The following APBB1IP variants were observed in gnomAD, a reference collection of about 807,000 sequenced individuals.
APBB1IP encodes amyloid beta precursor protein binding family B member 1 interacting protein, also known as amyloid beta A4 precursor protein-binding family B member 1-interacting protein.
In APBB1IP, 27 loss-of-function variants were observed where a neutral mutation model predicts 64.9. The observed-to-expected ratio is 0.42, with a 90% CI of 0.31 to 0.57. APBB1IP has a LOEUF of 0.57. Ranked by LOEUF, APBB1IP falls within the 20% of genes least tolerant of loss-of-function variation. APBB1IP has a pLI of 0.20. For synonymous variants in APBB1IP, 392 were observed against 331.0 expected (o/e 1.18, Z -2.00); for missense variants, 812 against 845.5 (o/e 0.96, Z 0.49).
At chr10:26,517,229 A>G (rs1458649579) in intron 8 of APBB1IP, among the ~76,000 whole-genome samples, 2 of 152,180 alleles carry the variant, frequency 1.3e-5, no homozygotes, top group African/African-American at 4.8e-5. Context: ...TGCACATATC[A>G]TAATGGTACA....
At chr10:26,519,974 C>A (rs1836383453) in intron 8 of APBB1IP, among the ~76,000 whole-genome samples, 1 of 152,144 alleles carries the variant, frequency 6.6e-6, no homozygotes, top group African/African-American at 2.4e-5. Flanking sequence ...TTGTCTAAGC[C>A]CTGTGCTAAT....
chr10:26,512,667 C>T (rs1347594995), intron 7 of APBB1IP, among the ~76,000 whole-genome samples: 2 of 152,062 alleles, frequency 1.3e-5, no homozygotes, highest in African/African-American at 2.4e-5. Context: ...AGTGCAATGG[C>T]GCAATCACGG....
At chr10:26,495,954 T>TTATATATATTTAATATATATAAATATAA (rs1357653187) in intron 3 of APBB1IP, among the ~76,000 whole-genome samples, 1 of 135,106 alleles carries the variant, frequency 7.4e-6, no homozygotes, top group Non-Finnish European at 1.5e-5. Flanking sequence ...AAAATATATT[T>TTATATATATTTAATATATATAAATATAA]TATATATATT....
intron 6 of APBB1IP, among the ~76,000 whole-genome samples, chr10:26,506,250 T>TGTG (rs1311793998): frequency 1.7e-3 from 103 of 62,394 alleles, no homozygotes; most frequent in East Asian, 0.012. Flanking sequence ...CGTGTGTGTG[T>TGTG]GGGGGGGGGG....
At chr10:26,532,960 T>C (rs1447530095) in intron 8 of APBB1IP, among the ~76,000 whole-genome samples, 1 of 152,236 alleles carries the variant, frequency 6.6e-6, no homozygotes, top group Non-Finnish European at 1.5e-5. Context: ...TTTGCAAACA[T>C]CTACATTTCT....
intron 2 of APBB1IP, among the ~76,000 whole-genome samples, chr10:26,444,029 G>T (rs1051443656): frequency 6.6e-6 from 1 of 152,184 alleles, no homozygotes. Flanking sequence ...ATTAGTAAGC[G>T]AAAAGCAAGG....
At chr10:26,547,446 G>T (rs529818806) in intron 11 of APBB1IP, among the ~76,000 whole-genome samples, 3 of 151,828 alleles carry the variant, frequency 2.0e-5, no homozygotes, top group Admixed American at 2.0e-4. Context: ...GCTTTGTTTT[G>T]TTTTGTTTTT....
intron 2 of APBB1IP, among the ~76,000 whole-genome samples, chr10:26,460,651 G>A (rs1835578477): frequency 1.3e-5 from 2 of 152,154 alleles, no homozygotes; most frequent in Non-Finnish European, 2.9e-5. Context: ...TCCTTTGCAG[G>A]GACATGGATG....
intron 9 of APBB1IP, 89 bp downstream of exon 9, chr10:26,533,614 A>G (rs1836581014): frequency 2.6e-6 from 2 of 754,892 alleles, no homozygotes; most frequent in Non-Finnish European, 4.0e-6. Context: ...GGAAAAATCT[A>G]AAGACATACA....
chr10:26,537,963 G>A (rs1329246295), intron 10 of APBB1IP, among the ~76,000 whole-genome samples: 1 of 148,362 alleles, frequency 6.7e-6, no homozygotes, highest in Non-Finnish European at 1.5e-5. Context: ...AGTGTTTACA[G>A]TAGAGTTGGA....
intron 11 of APBB1IP, among the ~76,000 whole-genome samples, chr10:26,545,971 G>T (rs1017058893): frequency 6.6e-6 from 1 of 152,046 alleles, no homozygotes; most frequent in African/African-American, 2.4e-5. Flanking sequence ...AAAAAAGATT[G>T]CATGATTTCA....
chr10:26,514,584 G>A (rs1035819228), intron 8 of APBB1IP, among the ~76,000 whole-genome samples: 1 of 152,024 alleles, frequency 6.6e-6, no homozygotes, highest in Non-Finnish European at 1.5e-5. Flanking sequence ...CTATAATTGT[G>A]TGAGGGTCAT....
chr10:26,443,227 GC>G (rs1835354952), intron 2 of APBB1IP, among the ~76,000 whole-genome samples: 1 of 151,918 alleles, frequency 6.6e-6, no homozygotes, highest in Non-Finnish European at 1.5e-5. Context: ...TTCAAGACCA[GC>G]CTGACCAACA....
intron 2 of APBB1IP, among the ~76,000 whole-genome samples, chr10:26,455,921 A>G (rs531811909): frequency 6.6e-6 from 1 of 152,334 alleles, no homozygotes; most frequent in African/African-American, 2.4e-5. Flanking sequence ...TCAACTAATA[A>G]AAAGAAATGA....
At chr10:26,562,101 A>T in intron 13 of APBB1IP, 1 of 435,976 alleles carries the variant, frequency 2.3e-6, no homozygotes, top group East Asian at 4.5e-5. Context: ...TCTCATATAA[A>T]GTTTTGTCAC....
rs767509551 is a variant in APBB1IP, at chr10:26,511,853, G to A, written c.638G>A (p.Cys213Tyr). ...VLDNLFEKTH[C>Y]DCNVDWCLYE... is the part of the protein sequence containing the mutation. ...GACAACCTTTTCGAGAAAACTCATTGTGACTGCAATGTAGACTGGTGTCTT... is the reference window on the plus strand; with the variant it reads ...GACAACCTTTTCGAGAAAACTCATTATGACTGCAATGTAGACTGGTGTCTT... Residue 213 changes from cysteine to tyrosine, a missense_variant, in exon 7 of 15, where the codon TGT (cysteine) becomes TAT (tyrosine). By Grantham distance (194) the Cys-to-Tyr change is radical. Around this residue, in one of 3 missense-constraint regions of APBB1IP, gnomAD observed 394 missense variants for 413.1 expected, o/e 0.95. Coordinates refer to ENST00000376236, the MANE Select transcript of APBB1IP (RefSeq NM_019043.4). 1.9e-6 allele frequency: 3 copies of A among 1,614,164 alleles called. No homozygotes were observed. In the East Asian group the frequency reaches 6.7e-5, roughly 36 times the overall value.
chr10:26,498,864 T>C (rs994402200), intron 4 of APBB1IP, among the ~76,000 whole-genome samples: 8 of 152,318 alleles, frequency 5.3e-5, no homozygotes, highest in African/African-American at 1.9e-4. Flanking sequence ...ACAAGACATT[T>C]AAAAACTACT....
intron 8 of APBB1IP, among the ~76,000 whole-genome samples, chr10:26,530,620 T>A (rs933189258): frequency 2.0e-5 from 3 of 150,912 alleles, no homozygotes; most frequent in Admixed American, 2.0e-4. Flanking sequence ...AACCCAGGAG[T>A]TGGAGGTTGC....
intron 3 of APBB1IP, among the ~76,000 whole-genome samples, chr10:26,493,151 C>T (rs897187031): frequency 3.9e-5 from 6 of 152,184 alleles, no homozygotes; most frequent in East Asian, 1.9e-4. Context: ...CTGTCCTGCC[C>T]GGCTCCCAGG....
Sources: allele counts gnomAD v4.1 joint callset (sites outside exome capture counted in the v4.1 genomes callset), GRCh38; gene constraint gnomAD v4.1.1; regional missense constraint gnomAD v4.1.1; transcripts MANE v1.5; gene names NCBI Gene and HGNC (gene_info 2026-07-23, HGNC 2026-07-21).